The following ADAMTS13 variants were observed in gnomAD, a reference collection of about 807,000 sequenced individuals.
ADAMTS13 encodes the protein A disintegrin and metalloproteinase with thrombospondin motifs 13.
In ADAMTS13, 110 loss-of-function variants were observed where a neutral mutation model predicts 155.1. The ratio of observed to expected loss-of-function variants is 0.71; its 90% CI spans 0.61 to 0.83. The LOEUF (loss-of-function observed/expected upper bound fraction) is 0.83, where lower values mean the gene tolerates loss of function less well. ADAMTS13 is among the 40% of genes least tolerant of loss of function. The probability of loss-of-function intolerance (pLI) is 0.00; values close to 1 mark genes in which losing one functional copy is unlikely to be tolerated. For missense variants in ADAMTS13, 1,707 were observed against 1,891.7 expected, an observed-to-expected ratio of 0.90 and a Z score of 1.81; for synonymous variants, 758 against 756.4, an observed-to-expected ratio of 1.00 and a Z score of -0.03.
Position 133,422,379 on chromosome 9 carries a change from C to A in ADAMTS13, c.-65C>A. 1 of 1,439,440 alleles carries A rather than the reference C, an allele frequency of 6.9e-7. No homozygotes were observed. The highest frequency in any genetic ancestry group is 9.7e-7 in the Non-Finnish European group (1 of 1,028,406). 89.2% of individuals were successfully genotyped at this position (1,439,440 alleles called of 1,614,324 possible). A position where few individuals can be genotyped will look rare whatever the true frequency, so the allele number is the denominator to read the frequency against. On this transcript the variant is annotated 5_prime_UTR_variant, in exon 1 of 29. Coordinates refer to ENST00000355699, the MANE Select transcript of ADAMTS13 (RefSeq NM_139027.6). ...GCAGGCCTGTCCCATTCCATACTGA[C>A]CAGATTCCCAGTCACCAAGGCCCCC...
upstream of ADAMTS13, among the ~76,000 whole-genome samples, chr9:133,418,666 C>T (rs781822980): frequency 6.6e-6 from 1 of 152,092 alleles, no homozygotes; most frequent in Non-Finnish European, 1.5e-5. Flanking sequence ...GCAGGGGGTA[C>T]GTGACTGGGG....
At chr9:133,423,658 G>T (rs1840095413) in intron 2 of ADAMTS13, among the ~76,000 whole-genome samples, 1 of 152,228 alleles carries the variant, frequency 6.6e-6, no homozygotes, top group Non-Finnish European at 1.5e-5. Flanking sequence ...TTGGCAACTT[G>T]ACTAATGGCT....
At chr9:133,431,890 G>A (rs9695776) in intron 8 of ADAMTS13, among the ~76,000 whole-genome samples, 6,325 of 152,300 alleles carry the variant, frequency 0.042, 412 homozygotes, top group African/African-American at 0.14. Context: ...TCCTGACCTC[G>A]TGATTTGCCC....
At chr9:133,438,517 T>C (rs1226404818) in intron 14 of ADAMTS13, 151 bp downstream of exon 14, 1 of 1,261,496 alleles carries the variant, frequency 7.9e-7, no homozygotes. Context: ...GTCTCCCTCT[T>C]CCACTTCGCC....
intron 8 of ADAMTS13, 71 bp downstream of exon 8, chr9:133,430,172 A>C: frequency 3.3e-6 from 5 of 1,529,130 alleles, no homozygotes; most frequent in Non-Finnish European, 4.4e-6. Flanking sequence ...CGTCCCCCAA[A>C]ACGTGCATGG....
At chr9:133,448,462 TCA>T in intron 21 of ADAMTS13, 135 bp from the exon 22 acceptor site, 1 of 1,120,932 alleles carries the variant, frequency 8.9e-7, no homozygotes, top group Non-Finnish European at 1.3e-6. Context: ...TTGTCTGAGG[TCA>T]CACAGCTGGT....
chr9:133,423,356 A>C (rs1840076987), intron 2 of ADAMTS13, among the ~76,000 whole-genome samples, 189 bp downstream of exon 2: 1 of 152,196 alleles, frequency 6.6e-6, no homozygotes, highest in Non-Finnish European at 1.5e-5. Context: ...TGGGTGTTCC[A>C]GCCAGGCCAG....
chr9:133,447,699 A>G (rs1554793049), intron 21 of ADAMTS13, among the ~76,000 whole-genome samples: 1 of 150,728 alleles, frequency 6.6e-6, no homozygotes, highest in African/African-American at 2.4e-5. Flanking sequence ...AACGATTCTC[A>G]TGCCTCAGCC....
rs587619534 is a variant in ADAMTS13 at position 133,457,220 on chromosome 9, C to T, written c.3724+501C>T. On this transcript the variant is annotated intron_variant, in intron 27 of 28. Coordinates refer to ENST00000355699, the MANE Select transcript of ADAMTS13 (RefSeq NM_139027.6). Reference sequence around the variant, plus strand: ...ATCCTCTGATAGCCCTCTCGGTTGTCCTGGGGGGCTTGCCCTCTCCCAACA... The same window carrying T: ...ATCCTCTGATAGCCCTCTCGGTTGTTCTGGGGGGCTTGCCCTCTCCCAACA... Among the ~76,000 whole-genome samples, 9 of 152,334 alleles carry T rather than the reference C, an allele frequency of 5.9e-5. No individual in the cohort carries two copies. The South Asian group carries it at 1.2e-3, about 21-fold the overall frequency.
chr9:133,442,148 A>G (rs1554790935), intron 16 of ADAMTS13, among the ~76,000 whole-genome samples: 1 of 151,914 alleles, frequency 6.6e-6, no homozygotes, highest in East Asian at 1.9e-4. Context: ...AGAGGGTCTC[A>G]CTGTTGGCCA....
At position 133,425,222 on chromosome 9, in the gene ADAMTS13, G is replaced by A. The variant is rs998484977; in HGVS notation, c.331-307G>A. On this transcript the variant is annotated intron_variant, in intron 3 of 28. Transcript: ENST00000355699. The surrounding 1 kb of genome is among the most constrained non-coding windows in gnomAD (Gnocchi z 4.6). ...CGCCTGTAATCTGAGAGGAGCCTGCGATCTGAGAGGAGCAGCGTTTGACCG... is the reference window on the plus strand; with the variant it reads ...CGCCTGTAATCTGAGAGGAGCCTGCAATCTGAGAGGAGCAGCGTTTGACCG... 1.1e-3 allele frequency among the ~76,000 whole-genome samples: 165 copies of A among 152,304 alleles called. 2 individuals carry two copies. Among genetic ancestry groups the A allele is most frequent in the African/African-American group, 3.8e-3 (160 of 41,564 alleles).
upstream of ADAMTS13, among the ~76,000 whole-genome samples, chr9:133,420,515 A>G (rs587755093): frequency 1.6e-4 from 24 of 152,352 alleles, no homozygotes; most frequent in African/African-American, 5.5e-4. Flanking sequence ...ACTTTGGTCC[A>G]CTTATGCAAA....
intron 7 of ADAMTS13, 30 bp downstream of exon 7, chr9:133,428,801 G>A (rs1554786021): frequency 2.4e-6 from 3 of 1,274,606 alleles, no homozygotes; most frequent in South Asian, 4.8e-5. Flanking sequence ...AGGGGCGCGC[G>A]AGCCTCCAGC....
At position 133,433,788 on chromosome 9, in the gene ADAMTS13, C is replaced by T. The variant is rs1554788274; in HGVS notation, c.1308+84C>T. 2.6e-6 allele frequency: 4 copies of T among 1,515,278 alleles called. No homozygotes were observed. The East Asian group carries it at 9.0e-5, about 34-fold the overall frequency. 93.9% of individuals were successfully genotyped at this position (1,515,278 alleles called of 1,614,324 possible). A position where few individuals can be genotyped will look rare whatever the true frequency, so the allele number is the denominator to read the frequency against. ...CAAAGTGACCATCTGTGGTTCACAC[C>T]AGGACACATTTGAGAAGGACATTGG... On this transcript the variant is annotated intron_variant, in intron 11 of 28. Coordinates refer to ENST00000355699, the MANE Select transcript of ADAMTS13 (RefSeq NM_139027.6).
At chr9:133,414,378 C>T (rs1554780958) in exon 1 of ADAMTS13, 1 of 629,218 alleles carries the variant, frequency 1.6e-6, no homozygotes, top group African/African-American at 1.8e-5. Flanking sequence ...GAAGCAGGGA[C>T]AGGCCTCATA....
In ADAMTS13 at chr9:133,433,477, C is replaced by T. The variant is rs376606652; in HGVS notation, c.1192C>T (p.Arg398Cys). 3.7e-6 allele frequency: 6 copies of T among 1,613,584 alleles called. No individual in the cohort carries two copies. Among genetic ancestry groups the T allele is most frequent in the Admixed American group, 1.7e-5 (1 of 60,010 alleles). ...CTGGGGTCCCCGAAGTCCTTGCTCC[C>T]GCTCCTGCGGAGGAGGTGTGGTCAC... ...SSWGPRSPCSRSCGGGVVTRR... is the reference protein window; with the variant it reads ...SSWGPRSPCSCSCGGGVVTRR... Residue 398 changes from arginine to cysteine, a missense_variant, in exon 10 of 29, where the codon CGC becomes TGC. By Grantham distance (180) the Arg-to-Cys change is radical (BLOSUM62 -3). This residue lies in a region of ADAMTS13 where 733 missense variants were observed against 749.6 expected (regional missense o/e 0.98). Coordinates refer to ENST00000355699, the MANE Select transcript of ADAMTS13 (RefSeq NM_139027.6).
intron 12 of ADAMTS13, 89 bp from the exon 13 acceptor site, chr9:133,437,660 C>G: frequency 6.6e-7 from 1 of 1,517,162 alleles, no homozygotes; most frequent in East Asian, 2.3e-5. Context: ...AACCCTTGCC[C>G]CAGATGCAAA....
rs188301241 is a variant in ADAMTS13 at position 133,454,743 on chromosome 9, G to A, written c.3249+124G>A. On this transcript the variant is annotated intron_variant, in intron 24 of 28. Transcript: ENST00000355699. ...GTCCCCTGAAAGGAAGGAGAGAGCT[G>A]CGCCCGTTGGTGAGGGGGCACCTAG... is the stretch of plus-strand genomic sequence containing the variant. 126 of 1,260,322 alleles carry A rather than the reference G, an allele frequency of 1.0e-4. 2 individuals carry two copies. In the African/African-American group the frequency reaches 1.4e-3, roughly 14 times the overall value. The allele number at this position is 1,260,322 out of a possible 1,614,324, so 78.1% of individuals were successfully genotyped here.
chr9:133,418,024 C>G (rs141069732), upstream of ADAMTS13: 1 of 606,110 alleles, frequency 1.6e-6, no homozygotes, highest in South Asian at 2.0e-5. Context: ...TCAGCACGCA[C>G]GCTCCAGTCC....
Sources: gnomAD v4.1 joint callset for allele counts (sites outside exome capture counted in the v4.1 genomes callset) on GRCh38, gnomAD v4.1.1 for gene constraint, gnomAD v4.1.1 regional missense constraint, Gnocchi (gnomAD v3.1) non-coding constraint, MANE v1.5 for transcripts, NCBI Gene and HGNC (gene_info 2026-07-23, HGNC 2026-07-21) for gene names.